Variants in TTLL11 observed in about 807,000 individuals in gnomAD.
TTLL11 encodes the protein tubulin tyrosine ligase like 11.
In TTLL11, 42 loss-of-function variants were observed where a neutral mutation model predicts 51.7. The ratio of observed to expected loss-of-function variants is 0.81; its 90% confidence interval spans 0.64 to 1.05. TTLL11 has a LOEUF of 1.05. TTLL11 is among the 50% of genes least tolerant of loss of function. TTLL11 has a pLI of 0.00. For synonymous variants in TTLL11, 381 were observed against 383.5 expected (o/e 0.99, Z 0.08); for missense variants, 799 against 940.4 (o/e 0.85, Z 1.97).
chr9:121,856,423 G>C (rs1318498692), intron 8 of TTLL11, among the ~76,000 whole-genome samples: 1 of 152,146 alleles, frequency 6.6e-6, no homozygotes, highest in Non-Finnish European at 1.5e-5. Context: ...TTGAGGCTCA[G>C]GTTTTCCATC....
chr9:121,868,821 A>G (rs1838255766), intron 7 of TTLL11, among the ~76,000 whole-genome samples: 1 of 152,230 alleles, frequency 6.6e-6, no homozygotes, highest in Non-Finnish European at 1.5e-5. Flanking sequence ...AAATAATAAC[A>G]TGTGCCTATT....
intron 6 of TTLL11, among the ~76,000 whole-genome samples, chr9:121,937,111 C>T (rs543838774): frequency 6.6e-6 from 1 of 152,298 alleles, no homozygotes; most frequent in Non-Finnish European, 1.5e-5. Context: ...AACATTTTTA[C>T]AACATTTTAC....
intron 3 of TTLL11, among the ~76,000 whole-genome samples, chr9:122,003,483 CTTTTTTT>C (rs398012131): frequency 1.5e-3 from 174 of 116,442 alleles, no homozygotes; most frequent in African/African-American, 5.7e-3. Flanking sequence ...GCATACGTTC[CTTTTTTT>C]TTTTTTTTTT....
At chr9:121,827,894 AGTCAAGCTCAGGCTCTGGACT>A (rs1281628364) in intron 8 of TTLL11, among the ~76,000 whole-genome samples, 1 of 152,218 alleles carries the variant, frequency 6.6e-6, no homozygotes, top group African/African-American at 2.4e-5. Flanking sequence ...TCCCCCTGAG[AGTCAAGCTCAGGCTCTGGACT>A]GTCCCCTCTG....
intron 3 of TTLL11, among the ~76,000 whole-genome samples, chr9:122,018,629 C>A (rs1844065839): frequency 6.6e-6 from 1 of 152,144 alleles, no homozygotes; most frequent in Admixed American, 6.5e-5. Flanking sequence ...GAGAGGGAAC[C>A]AAGATCCTGT....
intron 3 of TTLL11, among the ~76,000 whole-genome samples, chr9:121,998,989 CA>C (rs1311224116): frequency 6.6e-6 from 1 of 152,142 alleles, no homozygotes; most frequent in East Asian, 1.9e-4. Flanking sequence ...CCCCATATTC[CA>C]AGATCCTACA....
chr9:121,875,795 G>A (rs967154777), intron 6 of TTLL11, among the ~76,000 whole-genome samples: 1 of 152,058 alleles, frequency 6.6e-6, no homozygotes, highest in Non-Finnish European at 1.5e-5. Flanking sequence ...TAGTCCTTTG[G>A]GATAATTTTT....
In TTLL11 at chr9:121,860,524, G is replaced by A. The variant is rs1344515716; in HGVS notation, c.1734-81C>T. Reference sequence around the variant, plus strand: ...CTCTCCTCCACTCCTGTTAGGGACTGAATGTTTGTCCTCCCCAAATCCATA... The same window carrying A: ...CTCTCCTCCACTCCTGTTAGGGACTAAATGTTTGTCCTCCCCAAATCCATA... On this transcript the variant is annotated intron_variant, in intron 7 of 8. Transcript: ENST00000321582. 5 of 1,144,748 alleles carry A rather than the reference G, an allele frequency of 4.4e-6. No homozygotes were observed. The African/African-American group carries it at 6.1e-5, about 14-fold the overall frequency. 70.9% of individuals were successfully genotyped at this position (1,144,748 alleles called of 1,614,324 possible).
At chr9:121,828,096 T>C (rs1836876787) in intron 8 of TTLL11, among the ~76,000 whole-genome samples, 3 of 152,152 alleles carry the variant, frequency 2.0e-5, no homozygotes, top group Admixed American at 6.5e-5. Flanking sequence ...ACTTACATGT[T>C]CTTGCGGAAT....
chr9:122,044,708 T>C (rs754719308), intron 1 of TTLL11, among the ~76,000 whole-genome samples: 4 of 152,236 alleles, frequency 2.6e-5, no homozygotes, highest in Non-Finnish European at 5.9e-5. Context: ...TCTCCTAAGA[T>C]ATACTAATGG....
chr9:121,867,513 T>C (rs1347384704), intron 7 of TTLL11, among the ~76,000 whole-genome samples: 1 of 152,198 alleles, frequency 6.6e-6, no homozygotes, highest in African/African-American at 2.4e-5. Context: ...CTCTCTTCTC[T>C]ATGGGTAGGA....
At chr9:121,833,092 A>G (rs950199469) in intron 8 of TTLL11, among the ~76,000 whole-genome samples, 3 of 152,222 alleles carry the variant, frequency 2.0e-5, no homozygotes, top group African/African-American at 7.2e-5. Context: ...GATGTCAACA[A>G]GAAGGTGCAG....
chr9:122,063,028 A>G (rs1453910028), intron 1 of TTLL11, among the ~76,000 whole-genome samples: 1 of 151,914 alleles, frequency 6.6e-6, no homozygotes, highest in Non-Finnish European at 1.5e-5. Flanking sequence ...AGATCCTCCC[A>G]CCTTGACCTC....
chr9:122,060,657 C>A (rs1035301961), intron 1 of TTLL11, among the ~76,000 whole-genome samples: 1 of 152,108 alleles, frequency 6.6e-6, no homozygotes, highest in Non-Finnish European at 1.5e-5. Flanking sequence ...GGATTCAAAC[C>A]CATTAGTTCC....
At chr9:122,065,777 G>A (rs1217152325) in intron 1 of TTLL11, among the ~76,000 whole-genome samples, 2 of 152,174 alleles carry the variant, frequency 1.3e-5, no homozygotes, top group Admixed American at 1.3e-4. Flanking sequence ...AATGGAGGGG[G>A]TGGCCTGACA....
chr9:121,982,717 CAAAAAAAAAA>C (rs71371907), intron 4 of TTLL11, among the ~76,000 whole-genome samples: 1 of 97,436 alleles, frequency 1.0e-5, no homozygotes, highest in Admixed American at 1.2e-4. Flanking sequence ...AACTCCAACT[CAAAAAAAAAA>C]AAAAAAAAAG....
intron 6 of TTLL11, among the ~76,000 whole-genome samples, chr9:121,871,403 C>A (rs1487189602): frequency 6.6e-6 from 1 of 152,100 alleles, no homozygotes; most frequent in Non-Finnish European, 1.5e-5. Flanking sequence ...TTCCCCCTGC[C>A]CCAAATCTAT....
intron 4 of TTLL11, among the ~76,000 whole-genome samples, chr9:121,976,329 G>A (rs931444899): frequency 6.6e-6 from 1 of 152,156 alleles, no homozygotes; most frequent in African/African-American, 2.4e-5. Context: ...TGAGCATCTC[G>A]TTCTCTCTGC....
chr9:122,011,697 T>G (rs1843796208), intron 3 of TTLL11, among the ~76,000 whole-genome samples: 2 of 152,178 alleles, frequency 1.3e-5, no homozygotes, highest in African/African-American at 4.8e-5. Context: ...ACGGCAGACA[T>G]CAATGTTAAC....
Sources: gnomAD v4.1 joint callset for allele counts (sites outside exome capture counted in the v4.1 genomes callset) on GRCh38, gnomAD v4.1.1 for gene constraint, MANE v1.5 for transcripts, NCBI Gene and HGNC (gene_info 2026-07-23, HGNC 2026-07-21) for gene names.